PRKD1: variants seen among roughly 807,000 people sequenced by gnomAD.
PRKD1 encodes the protein protein kinase D1.
PRKD1 carries 63 observed loss-of-function variants against 95.9 expected under a neutral mutation model. The ratio of observed to expected loss-of-function variants is 0.66; its 90% CI spans 0.54 to 0.81. The LOEUF (loss-of-function observed/expected upper bound fraction) is 0.81, where lower values mean the gene tolerates loss of function less well. Ranked by LOEUF, PRKD1 falls within the 30% of genes least tolerant of loss-of-function variation. The probability of loss-of-function intolerance (pLI) is 0.00; values close to 1 mark genes in which losing one functional copy is unlikely to be tolerated. For synonymous variants in PRKD1, 425 were observed against 423.1 expected (o/e 1.00, Z -0.05); for missense variants, 1,048 against 1,165.3 (o/e 0.90, Z 1.47).
intron 2 of PRKD1, among the ~76,000 whole-genome samples, chr14:29,696,389 A>C (rs1884520059): frequency 6.6e-6 from 1 of 152,222 alleles, no homozygotes; most frequent in Admixed American, 6.5e-5. Flanking sequence ...ATAAGATACG[A>C]AAATCAAGTT....
intron 1 of PRKD1, among the ~76,000 whole-genome samples, chr14:29,856,681 A>T (rs1418602725): frequency 6.6e-6 from 1 of 152,224 alleles, no homozygotes; most frequent in Non-Finnish European, 1.5e-5. Context: ...AGATACCATG[A>T]AGTCCAGGAA....
chr14:29,848,909 G>C (rs1269810443), intron 1 of PRKD1, among the ~76,000 whole-genome samples: 1 of 148,264 alleles, frequency 6.7e-6, no homozygotes, highest in African/African-American at 2.4e-5. Flanking sequence ...AAGATCAACA[G>C]GATGCTGGCT....
chr14:29,737,988 ATAGTTGT>A (rs1886807932), intron 1 of PRKD1, among the ~76,000 whole-genome samples: 1 of 152,222 alleles, frequency 6.6e-6, no homozygotes, highest in African/African-American at 2.4e-5. Flanking sequence ...ATGTAGCAAT[ATAGTTGT>A]AACAACAAAA....
rs1160353906 is a variant in PRKD1 at position 29,900,231 on chromosome 14, TC to T, written c.264+27017del. 3.3e-5 allele frequency among the ~76,000 whole-genome samples: 5 copies of T among 152,330 alleles called. No homozygotes were observed. The East Asian group carries it at 7.7e-4, about 23-fold the overall frequency. ...TGCACAGACGTTTATTATCCTTACT[TC>T]ACAGAAAAGGAAACTGAGATCTGAA... On this transcript the variant is annotated intron_variant, in intron 1 of 17. Transcript: ENST00000331968.
At chr14:29,895,487 T>C (rs890732480) in intron 1 of PRKD1, among the ~76,000 whole-genome samples, 12 of 152,148 alleles carry the variant, frequency 7.9e-5, no homozygotes, top group African/African-American at 2.9e-4. Flanking sequence ...CTAGTTTCTA[T>C]TCAGCAGCCA....
At chr14:29,910,979 A>G (rs1594621891) in intron 1 of PRKD1, among the ~76,000 whole-genome samples, 1 of 152,326 alleles carries the variant, frequency 6.6e-6, no homozygotes, top group South Asian at 2.1e-4. Flanking sequence ...ATATCTTTCA[A>G]ACATGGGAAG....
chr14:29,904,033 C>T (rs1894411909), intron 1 of PRKD1, among the ~76,000 whole-genome samples: 1 of 152,056 alleles, frequency 6.6e-6, no homozygotes, highest in Non-Finnish European at 1.5e-5. Context: ...CAATTATAAA[C>T]TTGGAAACAT....
intron 1 of PRKD1, among the ~76,000 whole-genome samples, chr14:29,917,460 A>G (rs1894930248): frequency 6.6e-6 from 1 of 152,200 alleles, no homozygotes; most frequent in Non-Finnish European, 1.5e-5. Context: ...AAAAATTCCT[A>G]GTCAAAAGTC....
intron 1 of PRKD1, among the ~76,000 whole-genome samples, chr14:29,824,689 C>G (rs1167908646): frequency 6.6e-6 from 1 of 152,160 alleles, no homozygotes; most frequent in East Asian, 1.9e-4. Flanking sequence ...AATTCACTCA[C>G]TATACTGATG....
chr14:29,605,289 A>G (rs745383761), intron 13 of PRKD1, among the ~76,000 whole-genome samples: 53 of 152,186 alleles, frequency 3.5e-4, no homozygotes, highest in Non-Finnish European at 6.6e-4. Context: ...CTTCTGGATA[A>G]GGTGCCTACC....
At chr14:29,649,498 G>A (rs566145751) in intron 4 of PRKD1, among the ~76,000 whole-genome samples, 11 of 151,552 alleles carry the variant, frequency 7.3e-5, no homozygotes, top group African/African-American at 2.4e-4. Flanking sequence ...TGCTAGTGTA[G>A]TTGATTTTTT....
chr14:29,815,900 GCAAAGGGAGCATTTTGATAAA>G (rs1205068010), intron 1 of PRKD1, among the ~76,000 whole-genome samples: 5 of 152,076 alleles, frequency 3.3e-5, no homozygotes, highest in Non-Finnish European at 7.4e-5. Flanking sequence ...ATAGGTATAA[GCAAAGGGAGCATTTTGATAAA>G]CAACTTAGTC....
chr14:29,758,541 G>A (rs1887820264), intron 1 of PRKD1, among the ~76,000 whole-genome samples: 1 of 152,166 alleles, frequency 6.6e-6, no homozygotes, highest in Admixed American at 6.5e-5. Flanking sequence ...GATGTAGTCA[G>A]TTGGCAAATA....
chr14:29,639,516 T>C (rs45520835), intron 4 of PRKD1, among the ~76,000 whole-genome samples: 4,262 of 151,974 alleles, frequency 0.028, 183 homozygotes, highest in African/African-American at 0.091. Context: ...CTACTCGGTA[T>C]GCTGAAGCAG....
At chr14:29,786,414 G>A (rs1889275505) in intron 1 of PRKD1, among the ~76,000 whole-genome samples, 1 of 152,096 alleles carries the variant, frequency 6.6e-6, no homozygotes, top group South Asian at 2.1e-4. Flanking sequence ...GAGAAGAGTT[G>A]GTGTTAGTTC....
At chr14:29,728,562 CTTA>C (rs759235426) in intron 1 of PRKD1, among the ~76,000 whole-genome samples, 1 of 152,066 alleles carries the variant, frequency 6.6e-6, no homozygotes, top group African/African-American at 2.4e-5. Flanking sequence ...GCTTTTTTGG[CTTA>C]TTATAAAGTT....
At chr14:29,892,137 G>A (rs1366881834) in intron 1 of PRKD1, among the ~76,000 whole-genome samples, 7 of 152,078 alleles carry the variant, frequency 4.6e-5, no homozygotes, top group African/African-American at 1.2e-4. Context: ...CTTTCCAAAT[G>A]TTTTTCCTAC....
At chr14:29,889,560 C>CA (rs1330263322) in intron 1 of PRKD1, among the ~76,000 whole-genome samples, 1 of 152,054 alleles carries the variant, frequency 6.6e-6, no homozygotes, top group Admixed American at 6.5e-5. Context: ...TAAGCAGCCA[C>CA]AAAAAAGGAT....
intron 16 of PRKD1, among the ~76,000 whole-genome samples, chr14:29,590,809 G>C (rs561148118): frequency 3.4e-4 from 52 of 151,610 alleles, no homozygotes; most frequent in African/African-American, 1.2e-3. Flanking sequence ...TTTATTTTTT[G>C]AGACAGAGTC....
Sources: gnomAD v4.1 joint callset for allele counts (sites outside exome capture counted in the v4.1 genomes callset) on GRCh38, gnomAD v4.1.1 for gene constraint, MANE v1.5 for transcripts, NCBI Gene and HGNC (gene_info 2026-07-23, HGNC 2026-07-21) for gene names.